Variants in PDE1C observed in about 807,000 individuals in gnomAD.
PDE1C encodes phosphodiesterase 1C.
A neutral mutation model predicts 93.1 loss-of-function variants in PDE1C; 62 were observed. That is an observed-to-expected ratio of 0.67 (90% CI 0.54 to 0.82). The LOEUF is 0.82. PDE1C is among the 40% of genes least tolerant of loss of function. The probability of loss-of-function intolerance (pLI) is 0.00; values close to 1 mark genes in which losing one functional copy is unlikely to be tolerated. For synonymous variants in PDE1C, 325 were observed against 310.1 expected, an observed-to-expected ratio of 1.05 and a Z score of -0.50; for missense variants, 742 against 884.6, an observed-to-expected ratio of 0.84 and a Z score of 2.04.
intron 2 of PDE1C, among the ~76,000 whole-genome samples, chr7:31,972,388 T>A (rs1381190468): frequency 3.3e-5 from 5 of 152,170 alleles, no homozygotes; most frequent in African/African-American, 1.2e-4. Flanking sequence ...CTCTGAGAAA[T>A]GTCAACCTGA....
the PDE1C span, among the ~76,000 whole-genome samples, chr7:31,650,615 G>A: frequency 2.0e-5 from 3 of 152,274 alleles, no homozygotes; most frequent in East Asian, 5.8e-4. Context: ...GGTGGATGAA[G>A]CTGATCCTGC....
the PDE1C span, among the ~76,000 whole-genome samples, chr7:31,694,770 C>T: frequency 6.6e-6 from 1 of 152,066 alleles, no homozygotes; most frequent in South Asian, 2.1e-4. Flanking sequence ...AGGGCGTGAT[C>T]AGATTGGATT....
At chr7:31,999,984 C>T (rs954507026) in intron 2 of PDE1C, among the ~76,000 whole-genome samples, 1 of 152,082 alleles carries the variant, frequency 6.6e-6, no homozygotes, top group Admixed American at 6.6e-5. Flanking sequence ...AATCAGATTA[C>T]AAAAACAGTT....
chr7:32,166,774 G>C lies in PDE1C; in HGVS notation c.308+3011C>G, dbSNP rs754918531. On this transcript the variant is annotated intron_variant, in intron 3 of 18. Transcript: ENST00000396193. ...AGGCCATACTTAGGGATGGCAGCCT[G>C]ATTGGAAGACAAGGCCCAGGGACAT... Among the ~76,000 whole-genome samples the C allele has an allele frequency of 8.5e-4, 129 of 152,176 alleles. 2 individuals are homozygous for C. Among genetic ancestry groups the C allele is most frequent in the Admixed American group, 4.6e-4 (7 of 15,282 alleles).
chr7:32,103,911 A>G (rs1326723135), intron 3 of PDE1C, among the ~76,000 whole-genome samples: 1 of 152,202 alleles, frequency 6.6e-6, no homozygotes, highest in African/African-American at 2.4e-5. Flanking sequence ...TTAGAAACGA[A>G]AAGTACATTA....
chr7:32,106,931 G>A (rs186646525), intron 3 of PDE1C, among the ~76,000 whole-genome samples: 16 of 150,878 alleles, frequency 1.1e-4, no homozygotes, highest in South Asian at 4.2e-4. Flanking sequence ...TGGAAAAAGC[G>A]GACAGTATAC....
At chr7:31,693,305 A>G in the PDE1C span, among the ~76,000 whole-genome samples, 3 of 152,230 alleles carry the variant, frequency 2.0e-5, no homozygotes, top group African/African-American at 7.2e-5. Flanking sequence ...GTACCTCAAG[A>G]GACCCACAGC....
intron 1 of PDE1C, among the ~76,000 whole-genome samples, chr7:32,064,125 A>G (rs981598498): frequency 6.6e-6 from 1 of 152,160 alleles, no homozygotes; most frequent in African/African-American, 2.4e-5. Flanking sequence ...TTCTGGTAAG[A>G]TTCAGGTCAA....
chr7:32,002,601 T>C (rs928752387), intron 2 of PDE1C, among the ~76,000 whole-genome samples: 2 of 152,212 alleles, frequency 1.3e-5, no homozygotes, highest in Non-Finnish European at 2.9e-5. Flanking sequence ...TGTGTGGTTT[T>C]TGTTTCCAGT....
intron 2 of PDE1C, among the ~76,000 whole-genome samples, chr7:31,898,475 C>T (rs1799585811): frequency 6.6e-6 from 1 of 152,112 alleles, no homozygotes; most frequent in African/African-American, 2.4e-5. Flanking sequence ...ATTTTAATAA[C>T]AGCATAGTTT....
At chr7:31,789,837 G>T in intron 16 of PDE1C, 1 of 1,008,506 alleles carries the variant, frequency 9.9e-7, no homozygotes, top group Non-Finnish European at 1.2e-6. Flanking sequence ...TCATAAAATG[G>T]CAATTACTGT....
chr7:31,665,158 T>C, the PDE1C span, among the ~76,000 whole-genome samples: 3 of 152,214 alleles, frequency 2.0e-5, no homozygotes, highest in South Asian at 4.1e-4. Context: ...CTCATTCTCC[T>C]GCCAGGGGCT....
intron 5 of PDE1C, among the ~76,000 whole-genome samples, chr7:31,876,642 A>T (rs1419007429): frequency 1.3e-5 from 2 of 152,178 alleles, no homozygotes; most frequent in Non-Finnish European, 2.9e-5. Flanking sequence ...AATTAATACA[A>T]CTTCATAGTG....
chr7:31,985,711 G>A (rs1461213625), intron 2 of PDE1C, among the ~76,000 whole-genome samples: 1 of 151,996 alleles, frequency 6.6e-6, no homozygotes, highest in Non-Finnish European at 1.5e-5. Flanking sequence ...CGAGAATGAT[G>A]GTTTCCAGCT....
intron 1 of PDE1C, among the ~76,000 whole-genome samples, chr7:32,341,173 C>CTATTTTTTATTTTTTTTTTTTT (rs796122014): frequency 5.9e-5 from 5 of 84,958 alleles, no homozygotes; most frequent in African/African-American, 2.2e-4. Context: ...GAAATAAAGT[C>CTATTTTTTATTTTTTTTTTTTT]TTTTTTTTTT....
the PDE1C span, chr7:31,642,229 G>A: frequency 1.9e-6 from 3 of 1,557,996 alleles, no homozygotes; most frequent in Non-Finnish European, 2.6e-6. Flanking sequence ...CGGGTTCCTG[G>A]AGGAGCCGCT....
chr7:32,291,738 G>A (rs996004591), intron 1 of PDE1C, among the ~76,000 whole-genome samples: 2 of 152,202 alleles, frequency 1.3e-5, no homozygotes, highest in African/African-American at 4.8e-5. Context: ...CAAATCCCCA[G>A]TGTACCTCAC....
At chr7:32,074,351 C>T (rs1413920919), upstream of PDE1C, among the ~76,000 whole-genome samples, 1 of 152,200 alleles carries the variant, frequency 6.6e-6, no homozygotes, top group African/African-American at 2.4e-5. Flanking sequence ...TGAGAACTAT[C>T]ATTTGCCAAG....
chr7:32,218,064 C>CCA (rs1806556215), intron 1 of PDE1C, among the ~76,000 whole-genome samples: 1 of 152,196 alleles, frequency 6.6e-6, no homozygotes, highest in Non-Finnish European at 1.5e-5. Flanking sequence ...AATGTTACTA[C>CCA]CACACCACCA....
Sources: allele counts gnomAD v4.1 joint callset (sites outside exome capture counted in the v4.1 genomes callset), GRCh38; gene constraint gnomAD v4.1.1; transcripts MANE v1.5; gene names NCBI Gene and HGNC (gene_info 2026-07-23, HGNC 2026-07-21).